Variants in EVL observed in about 807,000 individuals in gnomAD.
EVL encodes the protein ena/VASP-like protein.
A neutral mutation model predicts 59.6 loss-of-function variants in EVL; 21 were observed. That is an observed-to-expected ratio of 0.35 (90% confidence interval 0.25 to 0.51). EVL has a LOEUF of 0.51. Among genes scored for constraint, EVL ranks in the 20% least tolerant of loss-of-function variants. The pLI, the probability that EVL is intolerant of heterozygous loss-of-function variation, is 0.97. For missense variants in EVL, 462 were observed against 546.6 expected (o/e 0.85, Z 1.54); for synonymous variants, 198 against 203.5 (o/e 0.97, Z 0.23).
intron 3 of EVL, chr14:100,106,887 G>T: frequency 2.5e-6 from 1 of 398,644 alleles, no homozygotes; most frequent in South Asian, 1.3e-4. Flanking sequence ...TTCCTGATAT[G>T]ACCCAGTCAG....
intron 1 of EVL, among the ~76,000 whole-genome samples, chr14:100,030,206 C>T (rs559386393): frequency 3.4e-4 from 52 of 151,832 alleles, no homozygotes; most frequent in Middle Eastern, 3.4e-3. Context: ...ATTCACCTAC[C>T]GCAGCCTCCC....
At chr14:100,081,056 G>A (rs921841763) in intron 1 of EVL, among the ~76,000 whole-genome samples, 3 of 152,134 alleles carry the variant, frequency 2.0e-5, no homozygotes, top group African/African-American at 7.2e-5. Flanking sequence ...AAGATGGGAG[G>A]ATCACTTGAG....
intron 2 of EVL, chr14:100,085,077 A>G (rs2062410149): frequency 4.1e-6 from 2 of 483,368 alleles, no homozygotes; most frequent in East Asian, 6.6e-5. Context: ...TCATATGGAG[A>G]CAGTAATCCG....
intron 1 of EVL, among the ~76,000 whole-genome samples, chr14:100,030,705 T>C (rs2061301115): frequency 6.6e-6 from 1 of 152,220 alleles, no homozygotes; most frequent in African/African-American, 2.4e-5. Context: ...TTGGTTTGCA[T>C]GCAAATTCCC....
chr14:100,089,289 T>C lies in EVL; in HGVS notation c.180+4434T>C, dbSNP rs991622136. 4.6e-5 allele frequency among the ~76,000 whole-genome samples: 7 copies of C among 151,122 alleles called. No individual in the cohort carries two copies. In the East Asian group the frequency reaches 9.6e-4, roughly 21 times the overall value. ...AACATTATTAACCAACTTGAGCTAA[T>C]TTTCATTTGTAGAAACTATAGCCAA... On this transcript the variant is annotated intron_variant, in intron 2 of 13. Transcript: ENST00000392920.
rs144395691 is a variant in EVL, at chr14:100,048,924, G to A, written c.6-35763G>A. Reference sequence around the variant, plus strand: ...TGAGATGGAGAACAGATCAGTGGTTGCTGGGAATTGGTGGGGGCGGATATG... The same window carrying A: ...TGAGATGGAGAACAGATCAGTGGTTACTGGGAATTGGTGGGGGCGGATATG... On this transcript the variant is annotated intron_variant, in intron 1 of 13. Coordinates refer to the EVL transcript ENST00000402714. Among the ~76,000 whole-genome samples the A allele has an allele frequency of 9.3e-4, 142 of 152,320 alleles. No individual in the cohort carries two copies. The Middle Eastern group carries it at 0.01, about 11-fold the overall frequency.
At chr14:100,077,536 G>A (rs1027229182) in intron 1 of EVL, among the ~76,000 whole-genome samples, 3 of 152,220 alleles carry the variant, frequency 2.0e-5, no homozygotes, top group African/African-American at 7.2e-5. Flanking sequence ...GGATTTATCA[G>A]TGTATTGGTG....
intron 1 of EVL, among the ~76,000 whole-genome samples, chr14:99,991,745 G>A (rs1474833473): frequency 6.6e-6 from 1 of 151,924 alleles, no homozygotes; most frequent in East Asian, 1.9e-4. Context: ...TGGGGCAAAG[G>A]GGAAAAGGGT....
intron 3 of EVL, among the ~76,000 whole-genome samples, chr14:100,110,296 C>T (rs947744735): frequency 2.0e-5 from 3 of 152,076 alleles, no homozygotes; most frequent in African/African-American, 7.2e-5. Context: ...ATTGCTTGAG[C>T]CCTGGAGTCT....
intron 1 of EVL, chr14:100,019,466 T>C: frequency 1.8e-6 from 1 of 541,474 alleles, no homozygotes; most frequent in Non-Finnish European, 3.2e-6. Context: ...CCTCCCCTGT[T>C]AGCTGCCGCT....
upstream of EVL, among the ~76,000 whole-genome samples, chr14:100,062,534 A>G (rs1566991539): frequency 1.3e-5 from 2 of 152,190 alleles, no homozygotes; most frequent in African/African-American, 4.8e-5. Context: ...GAACAGAGGA[A>G]CCAGAAACAG....
intron 1 of EVL, among the ~76,000 whole-genome samples, chr14:100,008,159 TTAAA>T (rs2060995288): frequency 6.6e-6 from 1 of 152,186 alleles, no homozygotes; most frequent in African/African-American, 2.4e-5. Context: ...GGAGGGCTTG[TTAAA>T]ACAGTGCTGG....
At chr14:100,057,291 A>G (rs1170479266) in intron 1 of EVL, among the ~76,000 whole-genome samples, 4 of 152,240 alleles carry the variant, frequency 2.6e-5, no homozygotes, top group Non-Finnish European at 5.9e-5. Flanking sequence ...TATGTAGCAT[A>G]GTGTCCTCAT....
chr14:100,019,558 AC>A, intron 1 of EVL: 1 of 963,470 alleles, frequency 1.0e-6, no homozygotes, highest in Non-Finnish European at 1.5e-6. Context: ...GGGTGTGGAA[AC>A]CCCGCCTCAT....
chr14:99,976,918 G>A (rs946579213), intron 1 of EVL, among the ~76,000 whole-genome samples: 9 of 152,084 alleles, frequency 5.9e-5, no homozygotes, highest in Non-Finnish European at 8.8e-5. Context: ...TTCCTCCCCC[G>A]TGCCTCCAAG....
At chr14:100,028,569 T>G (rs1283039878) in intron 1 of EVL, among the ~76,000 whole-genome samples, 1 of 152,120 alleles carries the variant, frequency 6.6e-6, no homozygotes, top group Non-Finnish European at 1.5e-5. Context: ...TCCCAGCACT[T>G]TGGGAGGCTG....
At chr14:99,988,682 A>G (rs902494727) in intron 1 of EVL, among the ~76,000 whole-genome samples, 1 of 152,232 alleles carries the variant, frequency 6.6e-6, no homozygotes, top group Non-Finnish European at 1.5e-5. Context: ...AACAACCCAA[A>G]TGTTCACGAA....
chr14:100,137,659 G>T lies in EVL; in HGVS notation c.1031+15G>T. 1.2e-6 allele frequency: 2 copies of T among 1,614,180 alleles called. No homozygotes were observed. The highest frequency in any genetic ancestry group is 1.7e-6 in the Non-Finnish European group (2 of 1,180,020). ...ATTCTGTCCAGGTGAGCTGCCCCAG[G>T]AAGGCCTGAGCAGCGAGGCTGGTGG... On this transcript the variant is annotated intron_variant, in intron 10 of 13. Coordinates refer to ENST00000392920, the MANE Select transcript of EVL (RefSeq NM_016337.3).
At chr14:99,986,252 A>ACCGT (rs1420923185) in intron 1 of EVL, among the ~76,000 whole-genome samples, 1 of 141,118 alleles carries the variant, frequency 7.1e-6, no homozygotes, top group African/African-American at 2.7e-5. Context: ...AAATTGCACC[A>ACCGT]CCGTACTCCA....
Sources: gnomAD v4.1 joint callset for allele counts (sites outside exome capture counted in the v4.1 genomes callset) on GRCh38, gnomAD v4.1.1 for gene constraint, MANE v1.5 for transcripts, NCBI Gene and HGNC (gene_info 2026-07-23, HGNC 2026-07-21) for gene names.